PARP1: variants seen among roughly 807,000 people sequenced by gnomAD.
The protein encoded by PARP1 is poly [ADP-ribose] polymerase 1.
A neutral mutation model predicts 118.7 loss-of-function variants in PARP1; 44 were observed. The ratio of observed to expected loss-of-function variants is 0.37; its 90% CI spans 0.29 to 0.48. PARP1 has a LOEUF of 0.48. Among genes scored for constraint, PARP1 ranks in the 20% least tolerant of loss-of-function variants. PARP1 has a pLI of 0.99. For synonymous variants in PARP1, 492 were observed against 483.2 expected (o/e 1.02, Z -0.24); for missense variants, 1,100 against 1,272.4 (o/e 0.86, Z 2.06).
Position 226,386,455 on chromosome 1 carries a change from C to A in PARP1, c.718-13G>T, listed in dbSNP as rs1445972769. ...GGTCGTTCTGAGCCTATGGACAAGA[C>A]CCAGTGGCTGAGAGGCTAGCTCTTT... On this transcript the variant is annotated splice_polypyrimidine_tract_variant and intron_variant, in intron 5 of 22. Transcript: ENST00000366794. The A allele has an allele frequency of 6.6e-7, 1 of 1,520,578 alleles. No individual in the cohort carries two copies. Among genetic ancestry groups the A allele is most frequent in the Non-Finnish European group, 9.1e-7 (1 of 1,094,726 alleles). 94.2% of individuals were successfully genotyped at this position (1,520,578 alleles called of 1,614,324 possible). A position where few individuals can be genotyped will look rare whatever the true frequency, so the allele number is the denominator to read the frequency against.
intron 15 of PARP1, among the ~76,000 whole-genome samples, chr1:226,368,648 T>C (rs1293238742): frequency 6.6e-6 from 1 of 152,248 alleles, no homozygotes; most frequent in African/African-American, 2.4e-5. Context: ...GGTGGGCTAA[T>C]GACTATTGCT....
At chr1:226,398,410 G>GT (rs1278132868) in intron 2 of PARP1, among the ~76,000 whole-genome samples, 2 of 152,080 alleles carry the variant, frequency 1.3e-5, no homozygotes, top group East Asian at 3.9e-4. Flanking sequence ...AGGCATGGTG[G>GT]TGCGCACCTG....
intron 7 of PARP1, among the ~76,000 whole-genome samples, chr1:226,385,023 G>C (rs540414613): frequency 5.9e-5 from 9 of 152,276 alleles, no homozygotes; most frequent in African/African-American, 2.2e-4. Flanking sequence ...TCCCCATGGA[G>C]GTATTTTGCG....
intron 3 of PARP1, among the ~76,000 whole-genome samples, chr1:226,390,971 G>A (rs1019695509): frequency 2.0e-5 from 3 of 150,384 alleles, no homozygotes; most frequent in Non-Finnish European, 4.4e-5. Flanking sequence ...CTAGAGCCTT[G>A]CACACCTGCG....
rs1193533814 is a variant in PARP1, at chr1:226,392,881, T to C, written c.287-567A>G. 9.1e-6 allele frequency: 14 copies of C among 1,543,828 alleles called. No individual in the cohort carries two copies. In the Middle Eastern group the frequency reaches 5.1e-4, roughly 56 times the overall value. Reference sequence around the variant, plus strand: ...GGACAAAAACTGGATTCTTCTCTTATTATAAAAATAAATTCCCAGGTTGAA... The same window carrying C: ...GGACAAAAACTGGATTCTTCTCTTACTATAAAAATAAATTCCCAGGTTGAA... On this transcript the variant is annotated intron_variant, in intron 2 of 22. Transcript: ENST00000366794.
At chr1:226,379,307 C>G (rs732284) in intron 11 of PARP1, 33 bp from the exon 12 acceptor site, 289,212 of 1,613,018 alleles carry the variant, frequency 0.18, 28,086 homozygotes, top group African/African-American at 0.34. Flanking sequence ...ACAGTTTTCT[C>G]TCCCCTTGAG....
At chr1:226,400,517 C>T (rs1229772887) in intron 2 of PARP1, among the ~76,000 whole-genome samples, 1 of 152,242 alleles carries the variant, frequency 6.6e-6, no homozygotes, top group South Asian at 2.1e-4. Flanking sequence ...GGGTGGGCTA[C>T]CTGACAGTGG....
chr1:226,370,641 C>G (rs905277167), intron 14 of PARP1, 124 bp from the exon 15 acceptor site: 1 of 776,296 alleles, frequency 1.3e-6, no homozygotes, highest in African/African-American at 1.7e-5. Flanking sequence ...CTGGGATTTC[C>G]TGAGGACACC....
intron 4 of PARP1, among the ~76,000 whole-genome samples, chr1:226,389,490 T>C (rs1664782358): frequency 6.6e-6 from 1 of 152,190 alleles, no homozygotes; most frequent in Non-Finnish European, 1.5e-5. Flanking sequence ...AGAACTCTGG[T>C]GATGGGCAAA....
chr1:226,399,089 T>C (rs1355098445), intron 2 of PARP1, among the ~76,000 whole-genome samples: 1 of 151,316 alleles, frequency 6.6e-6, no homozygotes, highest in African/African-American at 2.4e-5. Flanking sequence ...TTTTTTTTTT[T>C]TTTGAGATGG....
chr1:226,392,901 G>T (rs755928788), intron 2 of PARP1: 24 of 1,561,214 alleles, frequency 1.5e-5, no homozygotes, highest in Non-Finnish European at 2.1e-5. Context: ...AAATTCCCAG[G>T]TTGAATGTTT....
At chr1:226,394,515 G>A (rs1230096899) in intron 2 of PARP1, among the ~76,000 whole-genome samples, 3 of 152,342 alleles carry the variant, frequency 2.0e-5, no homozygotes, top group East Asian at 3.9e-4. Context: ...AACAGTAACT[G>A]CACATCTTAG....
intron 1 of PARP1, among the ~76,000 whole-genome samples, chr1:226,407,505 C>T (rs2102749941): frequency 6.6e-6 from 1 of 152,176 alleles, no homozygotes; most frequent in Middle Eastern, 3.4e-3. Flanking sequence ...CTGAGGCGAA[C>T]GGCAGTAATA....
intron 5 of PARP1, among the ~76,000 whole-genome samples, chr1:226,387,165 T>C (rs754334636): frequency 1.3e-5 from 2 of 152,180 alleles, no homozygotes; most frequent in Non-Finnish European, 2.9e-5. Context: ...GTATTTTTAA[T>C]AGAAACGGTG....
At chr1:226,364,351 G>T (rs1406931221) in intron 19 of PARP1, 1 of 407,164 alleles carries the variant, frequency 2.5e-6, no homozygotes, top group African/African-American at 2.1e-5. Flanking sequence ...TCATGGAGCT[G>T]CCATGAGGAC....
intron 19 of PARP1, 70 bp from the exon 20 acceptor site, chr1:226,364,140 C>A: frequency 6.6e-7 from 1 of 1,509,424 alleles, no homozygotes; most frequent in Non-Finnish European, 9.2e-7. Flanking sequence ...TCACTGAGTG[C>A]CAACTTGAGC....
intron 7 of PARP1, among the ~76,000 whole-genome samples, chr1:226,384,817 T>A (rs1268118293): frequency 6.6e-6 from 1 of 152,172 alleles, no homozygotes; most frequent in Admixed American, 6.5e-5. Context: ...AGGTAACGAT[T>A]CCTGAGTGTG....
chr1:226,385,701 T>A, intron 6 of PARP1, 21 bp from the exon 7 acceptor site: 1 of 1,611,118 alleles, frequency 6.2e-7, no homozygotes, highest in Non-Finnish European at 8.5e-7. Context: ...TGGAGAAACA[T>A]GTCAGAGGGC....
intron 2 of PARP1, among the ~76,000 whole-genome samples, chr1:226,398,723 C>T (rs1209141055): frequency 6.6e-6 from 1 of 152,084 alleles, no homozygotes; most frequent in Non-Finnish European, 1.5e-5. Context: ...CAAATGCTGG[C>T]AAAGATGTAT....
Sources: gnomAD v4.1 joint callset for allele counts (sites outside exome capture counted in the v4.1 genomes callset) on GRCh38, gnomAD v4.1.1 for gene constraint, MANE v1.5 for transcripts, NCBI Gene and HGNC (gene_info 2026-07-23, HGNC 2026-07-21) for gene names.